The following MYL4 variants were observed in gnomAD, a reference collection of about 807,000 sequenced individuals.
The protein encoded by MYL4 is atrial myosin light chain 1.
In MYL4, 16 loss-of-function variants were observed where a neutral mutation model predicts 21.6. That is an observed-to-expected ratio of 0.74 (90% CI 0.50 to 1.12). The LOEUF (loss-of-function observed/expected upper bound fraction) is 1.12, where lower values mean the gene tolerates loss of function less well. Among genes scored for constraint, MYL4 ranks in the 50% most tolerant of loss-of-function variants. The pLI, the probability that MYL4 is intolerant of heterozygous loss-of-function variation, is 0.00. For synonymous variants in MYL4, 82 were observed against 95.7 expected (o/e 0.86, Z 0.83); for missense variants, 249 against 252.9 (o/e 0.98, Z 0.11).
chr17:47,199,619 G>A (rs2064702305), upstream of MYL4, among the ~76,000 whole-genome samples: 1 of 150,294 alleles, frequency 6.7e-6, no homozygotes, highest in African/African-American at 2.5e-5. Context: ...GATTTTACAA[G>A]GCATTACATT....
At chr17:47,203,583 T>C (rs1054240568) in intron 1 of MYL4, among the ~76,000 whole-genome samples, 5 of 152,212 alleles carry the variant, frequency 3.3e-5, no homozygotes, top group African/African-American at 1.2e-4. Flanking sequence ...GTCATATTAG[T>C]AATATTTTCG....
the MYL4 span, among the ~76,000 whole-genome samples, chr17:47,190,132 C>T: frequency 2.0e-5 from 3 of 152,034 alleles, no homozygotes; most frequent in Non-Finnish European, 4.4e-5. Context: ...CTCAATAGGC[C>T]ATTAGAAATT....
upstream of MYL4, among the ~76,000 whole-genome samples, chr17:47,198,797 C>A (rs1410143177): frequency 6.6e-6 from 1 of 151,762 alleles, no homozygotes; most frequent in South Asian, 2.1e-4. Context: ...CCCTGGGCAA[C>A]AAAGAGAGAC....
Position 47,213,814 on chromosome 17 carries a change from G to T in MYL4, c.151G>T (p.Asp51Tyr), listed in dbSNP as rs772358836. 4 of 1,613,944 alleles carry T rather than the reference G, an allele frequency of 2.5e-6. No individual in the cohort carries two copies. Among genetic ancestry groups the T allele is most frequent in the Non-Finnish European group, 2.5e-6 (3 of 1,179,990 alleles). ...PKSVKIDFTA[D>Y]QIEEFKEAFS... ...CTCCCTACAGATAGACTTCACTGCC[G>T]ACCAGATTGAAGGTGAGTATGGACA... The change falls in exon 2 of 7, where the codon GAC becomes TAC. Residue 51 changes from aspartate (D) to tyrosine (Y), a missense_variant. Asp to Tyr is a radical substitution (Grantham distance 160). Coordinates refer to ENST00000393450, the MANE Select transcript of MYL4 (RefSeq NM_002476.2).
upstream of MYL4, chr17:47,209,322 A>G: frequency 1.3e-6 from 2 of 1,517,128 alleles, no homozygotes; most frequent in Non-Finnish European, 1.8e-6. Context: ...CCAGGATAAA[A>G]GGGAAGGGAG....
At chr17:47,199,070 T>TAA (rs543390449), upstream of MYL4, among the ~76,000 whole-genome samples, 15 of 140,816 alleles carry the variant, frequency 1.1e-4, no homozygotes, top group African/African-American at 2.6e-4. Flanking sequence ...CCGTCTTTAC[T>TAA]AAAAAAAAAA....
chr17:47,215,256 T>C (rs147765923), intron 2 of MYL4, among the ~76,000 whole-genome samples: 1 of 152,336 alleles, frequency 6.6e-6, no homozygotes, highest in Non-Finnish European at 1.5e-5. Context: ...AGAAACACAA[T>C]GACACTAGTG....
downstream of MYL4, among the ~76,000 whole-genome samples, chr17:47,224,251 G>A (rs576316223): frequency 3.1e-4 from 47 of 152,144 alleles, no homozygotes; most frequent in Non-Finnish European, 5.9e-5. Flanking sequence ...CAATCATGGC[G>A]GAAGGCAAGG....
chr17:47,201,648 G>T (rs1441777094), intron 1 of MYL4, among the ~76,000 whole-genome samples: 7 of 151,766 alleles, frequency 4.6e-5, no homozygotes, highest in Non-Finnish European at 1.0e-4. Flanking sequence ...TAGAGACGAG[G>T]TTTCTCCATG....
chr17:47,195,926 T>C (rs1009095784), upstream of MYL4, among the ~76,000 whole-genome samples: 8 of 152,248 alleles, frequency 5.3e-5, no homozygotes, highest in Non-Finnish European at 2.9e-5. Context: ...CCTTGTTCCC[T>C]GTGTATTCTC....
At chr17:47,194,930 G>A in the MYL4 span, among the ~76,000 whole-genome samples, 1 of 151,894 alleles carries the variant, frequency 6.6e-6, no homozygotes, top group Non-Finnish European at 1.5e-5. Flanking sequence ...TTGTAGAGAC[G>A]GGGTTTTGCC....
chr17:47,189,869 G>A, the MYL4 span, among the ~76,000 whole-genome samples: 7 of 152,142 alleles, frequency 4.6e-5, no homozygotes, highest in Non-Finnish European at 7.4e-5. Context: ...TCTATTTAAG[G>A]GAAAAGCAGT....
upstream of MYL4, among the ~76,000 whole-genome samples, chr17:47,195,644 A>G (rs1019081054): frequency 6.6e-6 from 1 of 152,172 alleles, no homozygotes; most frequent in African/African-American, 2.4e-5. Flanking sequence ...CTTGCCTCAC[A>G]GGCTTTGCAT....
chr17:47,226,184 GATAA>G (rs765239746), downstream of MYL4, among the ~76,000 whole-genome samples: 1 of 152,146 alleles, frequency 6.6e-6, no homozygotes, highest in Non-Finnish European at 1.5e-5. Flanking sequence ...AGTATCCAGG[GATAA>G]ATAGAGAATG....
At chr17:47,196,022 G>C (rs1183145205), upstream of MYL4, among the ~76,000 whole-genome samples, 1 of 152,122 alleles carries the variant, frequency 6.6e-6, no homozygotes, top group Non-Finnish European at 1.5e-5. Flanking sequence ...TGTGTTCCTA[G>C]TATTATTTTT....
At chr17:47,212,301 A>C (rs1438650574) in intron 1 of MYL4, among the ~76,000 whole-genome samples, 1 of 152,210 alleles carries the variant, frequency 6.6e-6, no homozygotes, top group Non-Finnish European at 1.5e-5. Context: ...CTCAGCATTA[A>C]ATTACTATGC....
upstream of MYL4, among the ~76,000 whole-genome samples, chr17:47,196,755 T>G (rs1741921664): frequency 6.6e-6 from 1 of 152,210 alleles, no homozygotes; most frequent in African/African-American, 2.4e-5. Context: ...TTTCATAGTA[T>G]GTATGGTAAT....
chr17:47,208,293 G>T (rs2064743235), upstream of MYL4, among the ~76,000 whole-genome samples: 1 of 152,098 alleles, frequency 6.6e-6, no homozygotes, highest in African/African-American at 2.4e-5. Flanking sequence ...AATTAGCCAA[G>T]TGTGCTGGTG....
intron 2 of MYL4, among the ~76,000 whole-genome samples, chr17:47,219,572 G>C (rs561458668): frequency 5.0e-4 from 76 of 152,092 alleles, no homozygotes; most frequent in Non-Finnish European, 9.0e-4. Context: ...GCAGTGGTGC[G>C]ATCTTGGCTG....
Sources: gnomAD v4.1 joint callset for allele counts (sites outside exome capture counted in the v4.1 genomes callset) on GRCh38, gnomAD v4.1.1 for gene constraint, MANE v1.5 for transcripts, NCBI Gene and HGNC (gene_info 2026-07-23, HGNC 2026-07-21) for gene names.